The following PTPRD variants were observed in gnomAD, a reference collection of about 807,000 sequenced individuals.
PTPRD encodes the protein protein tyrosine phosphatase receptor type D.
In PTPRD, 34 loss-of-function variants were observed where a neutral mutation model predicts 214.5. The ratio of observed to expected loss-of-function variants is 0.16; its 90% CI spans 0.12 to 0.21. The LOEUF is 0.21. Ranked by LOEUF, PTPRD falls within the 10% of genes least tolerant of loss-of-function variation. The probability of loss-of-function intolerance (pLI) is 1.00; values close to 1 mark genes in which losing one functional copy is unlikely to be tolerated. For missense variants in PTPRD, 2,545 were observed against 2,398.7 expected (o/e 1.06, Z -1.27); for synonymous variants, 1,128 against 845.7 (o/e 1.33, Z -5.79).
At chr9:8,723,263 A>C (rs2098521520) in intron 12 of PTPRD, among the ~76,000 whole-genome samples, 1 of 151,954 alleles carries the variant, frequency 6.6e-6, no homozygotes, top group Non-Finnish European at 1.5e-5. Context: ...TCATAGCTGG[A>C]CCCTTCCCAT....
chr9:8,745,820 T>C (rs912922928), intron 11 of PTPRD, among the ~76,000 whole-genome samples: 1 of 151,562 alleles, frequency 6.6e-6, no homozygotes, highest in Non-Finnish European at 1.5e-5. Flanking sequence ...CTCTTTTAGA[T>C]AGGGTCTTGT....
At chr9:8,452,767 G>C (rs1474399448) in intron 33 of PTPRD, among the ~76,000 whole-genome samples, 2 of 152,072 alleles carry the variant, frequency 1.3e-5, no homozygotes, top group African/African-American at 2.4e-5. Flanking sequence ...TGGGATGTGG[G>C]TAATACACAA....
At chr9:10,044,509 T>C (rs574556136) in intron 3 of PTPRD, among the ~76,000 whole-genome samples, 158 of 151,880 alleles carry the variant, frequency 1.0e-3, no homozygotes, top group African/African-American at 3.5e-3. Context: ...TCTGAACAAA[T>C]GTACAAAGTA....
intron 7 of PTPRD, among the ~76,000 whole-genome samples, chr9:9,712,630 T>C (rs1490836478): frequency 6.6e-6 from 1 of 152,132 alleles, no homozygotes; most frequent in Non-Finnish European, 1.5e-5. Flanking sequence ...ACACTGCCAT[T>C]CTTGAACGTA....
chr9:9,046,314 C>G (rs2099672028), intron 10 of PTPRD, among the ~76,000 whole-genome samples: 1 of 152,074 alleles, frequency 6.6e-6, no homozygotes. Flanking sequence ...AGATATCCAG[C>G]AACATGTGAT....
At chr9:9,464,183 A>C (rs2093929643) in intron 8 of PTPRD, among the ~76,000 whole-genome samples, 1 of 152,152 alleles carries the variant, frequency 6.6e-6, no homozygotes, top group South Asian at 2.1e-4. Flanking sequence ...CTTTCTCTCC[A>C]GTGAGCAATG....
In PTPRD at chr9:10,057,874, G is replaced by C. The variant is rs1275537913; in HGVS notation, c.-544-24084C>G. ...AACAAAAAAAAAACAAAAAAAAAGT[G>C]AGTAGTGGAATAATTCAGGACTTGA... On this transcript the variant is annotated intron_variant, in intron 3 of 45. Coordinates refer to ENST00000381196, the MANE Select transcript of PTPRD (RefSeq NM_002839.4). Among the ~76,000 whole-genome samples, 3 of 144,782 alleles carry C rather than the reference G, an allele frequency of 2.1e-5. No homozygotes were observed. The Admixed American group carries it at 2.1e-4, about 10-fold the overall frequency. 95.0% of individuals were successfully genotyped at this position (144,782 alleles called of 152,430 possible).
intron 12 of PTPRD, among the ~76,000 whole-genome samples, chr9:8,640,668 C>T (rs796588961): frequency 1.5e-5 from 2 of 136,574 alleles, no homozygotes; most frequent in Non-Finnish European, 3.1e-5. Context: ...GGGGCTTTTA[C>T]AGAGAAATTC....
intron 8 of PTPRD, among the ~76,000 whole-genome samples, chr9:9,425,703 G>A (rs2080598180): frequency 6.6e-6 from 1 of 151,820 alleles, no homozygotes; most frequent in South Asian, 2.1e-4. Context: ...TGCAGATATA[G>A]TTTTGAGCAA....
intron 5 of PTPRD, among the ~76,000 whole-genome samples, chr9:9,862,233 C>T (rs2062940729): frequency 6.6e-6 from 1 of 151,700 alleles, no homozygotes; most frequent in Non-Finnish European, 1.5e-5. Flanking sequence ...AAGTGTTTAC[C>T]ATTTTGAAAA....
intron 10 of PTPRD, among the ~76,000 whole-genome samples, chr9:9,085,384 C>A (rs1172739665): frequency 6.6e-6 from 1 of 152,142 alleles, no homozygotes; most frequent in Non-Finnish European, 1.5e-5. Context: ...AAATCTACAG[C>A]ATGCAAATTC....
intron 7 of PTPRD, among the ~76,000 whole-genome samples, chr9:9,710,294 A>G (rs557299965): frequency 2.6e-4 from 40 of 152,262 alleles, no homozygotes; most frequent in East Asian, 5.8e-4. Context: ...AATCCATAGC[A>G]AAAAGAAGGC....
At chr9:10,497,512 A>G (rs1310035308) in intron 2 of PTPRD, among the ~76,000 whole-genome samples, 1 of 152,062 alleles carries the variant, frequency 6.6e-6, no homozygotes, top group African/African-American at 2.4e-5. Context: ...GTTTTCAGAC[A>G]TATATAAATG....
intron 3 of PTPRD, among the ~76,000 whole-genome samples, chr9:10,138,970 C>A (rs187033278): frequency 1.4e-4 from 22 of 152,042 alleles, no homozygotes; most frequent in Non-Finnish European, 1.8e-4. Context: ...GCAACCACCC[C>A]CCTTGAGAAC....
At chr9:10,567,464 C>T (rs979379758) in intron 2 of PTPRD, among the ~76,000 whole-genome samples, 18 of 151,926 alleles carry the variant, frequency 1.2e-4, no homozygotes, top group African/African-American at 4.4e-4. Context: ...TTATCTGTAA[C>T]CAGTTTCCAA....
intron 11 of PTPRD, among the ~76,000 whole-genome samples, chr9:8,836,271 T>A (rs1305908082): frequency 6.6e-6 from 1 of 152,242 alleles, no homozygotes; most frequent in East Asian, 1.9e-4. Flanking sequence ...GTTTTGATAG[T>A]CTAAGAGAAC....
At chr9:9,745,771 T>A (rs899226658) in intron 6 of PTPRD, among the ~76,000 whole-genome samples, 2 of 152,110 alleles carry the variant, frequency 1.3e-5, no homozygotes, top group South Asian at 2.1e-4. Context: ...AGGACATATT[T>A]CAGTTTCTAA....
At chr9:9,796,625 A>C (rs942608927) in intron 5 of PTPRD, among the ~76,000 whole-genome samples, 1 of 152,166 alleles carries the variant, frequency 6.6e-6, no homozygotes, top group African/African-American at 2.4e-5. Flanking sequence ...GAACCAAAGC[A>C]CATAAAAGAA....
chr9:9,522,244 G>C (rs1025997371), intron 8 of PTPRD, among the ~76,000 whole-genome samples: 95 of 145,920 alleles, frequency 6.5e-4, no homozygotes, highest in African/African-American at 2.4e-3. Flanking sequence ...TTAGATCCTT[G>C]TTATTTCATT....
Sources: allele counts gnomAD v4.1 joint callset (sites outside exome capture counted in the v4.1 genomes callset), GRCh38; gene constraint gnomAD v4.1.1; transcripts MANE v1.5; gene names NCBI Gene and HGNC (gene_info 2026-07-23, HGNC 2026-07-21).